The following CMPK2 variants were observed in gnomAD, a reference collection of about 807,000 sequenced individuals.
CMPK2 encodes UMP-CMP kinase 2, mitochondrial.
CMPK2 carries 32 observed loss-of-function variants against 33.4 expected under a neutral mutation model. The ratio of observed to expected loss-of-function variants is 0.96; its 90% CI spans 0.72 to 1.29. The LOEUF (loss-of-function observed/expected upper bound fraction) is 1.29, where lower values mean the gene tolerates loss of function less well. Among genes scored for constraint, CMPK2 ranks in the 50% most tolerant of loss-of-function variants. CMPK2 has a pLI of 0.00. For missense variants in CMPK2, 672 were observed against 616.0 expected (o/e 1.09, Z -0.96); for synonymous variants, 299 against 275.3 (o/e 1.09, Z -0.85).
chr2:6,865,912 G>A, upstream of CMPK2: 1 of 1,407,576 alleles, frequency 7.1e-7, no homozygotes, highest in African/African-American at 1.5e-5. Flanking sequence ...AGATGTGCGC[G>A]ATAAACGGCC....
At chr2:6,848,134 A>G (rs775548131), downstream of CMPK2, among the ~76,000 whole-genome samples, 4 of 152,238 alleles carry the variant, frequency 2.6e-5, no homozygotes, top group Non-Finnish European at 5.9e-5. Flanking sequence ...AATGATATGT[A>G]AAATAAAACA....
rs781445648 is a variant in CMPK2, at chr2:6,865,509, G to A, written c.188C>T (p.Ala63Val). Residue 63 changes from alanine to valine, a missense_variant, in exon 1 of 5, where the codon GCG (alanine) becomes GTG (valine). Physicochemically the swap from Ala to Val is moderately conservative, Grantham distance 64. Coordinates refer to ENST00000256722, the MANE Select transcript of CMPK2 (RefSeq NM_207315.4). The part of the protein sequence containing the change: ...GDADAPDPRL[A>V]ALLGPPERSY... ...GCGCTCCGGGGGCCCCAGCAGCGCC[G>A]CCAGGCGGGGGTCGGGGGCGTCTGC... 1.1e-4 allele frequency: 142 copies of A among 1,270,756 alleles called. 1 individual carries two copies. The South Asian group carries it at 3.4e-3, about 31-fold the overall frequency. 78.7% of individuals were successfully genotyped at this position (1,270,756 alleles called of 1,614,324 possible). A position where few individuals can be genotyped will look rare whatever the true frequency, so the allele number is the denominator to read the frequency against.
chr2:6,865,475 C>A lies in CMPK2; in HGVS notation c.222G>T (p.Ser74=), dbSNP rs1384947726. Residue 74 remains serine (S), a synonymous_variant, in exon 1 of 5, where the codon TCG becomes TCT. Transcript: ENST00000256722. ...CGTCCGGGGTCACGGGCACGCACAG[C>A]GAGTAGCTGCGCTCCGGGGGCCCCA... ...ALLGPPERSY[S]LCVPVTPDAG... 11 of 1,261,598 alleles carry A rather than the reference C, an allele frequency of 8.7e-6. No individual in the cohort carries two copies. Among genetic ancestry groups the A allele is most frequent in the African/African-American group, 1.6e-5 (1 of 64,022 alleles). The allele number at this position is 1,261,598 out of a possible 1,614,324, so 78.2% of individuals were successfully genotyped here.
chr2:6,866,520 G>T (rs886175782), upstream of CMPK2: 47 of 979,800 alleles, frequency 4.8e-5, no homozygotes, highest in Admixed American at 6.2e-5. Flanking sequence ...CCTCGAAATC[G>T]CCTTTCTTCC....
intron 4 of CMPK2, chr2:6,850,876 C>G: frequency 1.0e-6 from 1 of 991,966 alleles, no homozygotes; most frequent in Non-Finnish European, 1.2e-6. Flanking sequence ...AGACTCTCTT[C>G]TGCAGTCGTG....
chr2:6,852,235 C>G (rs1662545476), intron 3 of CMPK2, among the ~76,000 whole-genome samples: 1 of 152,150 alleles, frequency 6.6e-6, no homozygotes, highest in African/African-American at 2.4e-5. Flanking sequence ...TATGCCCTGC[C>G]CAGCTCCATG....
intron 3 of CMPK2, among the ~76,000 whole-genome samples, chr2:6,852,065 G>A (rs541621295): frequency 6.6e-6 from 1 of 152,260 alleles, no homozygotes; most frequent in Non-Finnish European, 1.5e-5. Flanking sequence ...CTGTGTCTTG[G>A]CAGACTAAAA....
rs114106362 is a variant in CMPK2, at chr2:6,862,849, G to A, written c.790+615C>T. Among the ~76,000 whole-genome samples, 1,225 of 152,278 alleles carry A rather than the reference G, an allele frequency of 8.0e-3. 18 individuals are homozygous for A. The highest frequency in any genetic ancestry group is 0.028 in the African/African-American group (1,177 of 41,554). ...GAGAAACTCCTACGCTGAACCACTC[G>A]GATGCTAGTTCTCCAACATCAACCC... On this transcript the variant is annotated intron_variant, in intron 2 of 4. Coordinates refer to ENST00000256722, the MANE Select transcript of CMPK2 (RefSeq NM_207315.4).
Position 6,849,761 on chromosome 2 carries a change from G to GA in CMPK2, c.*88dup. 2 of 1,576,044 alleles carry GA rather than the reference G, an allele frequency of 1.3e-6. No homozygotes were observed. Among genetic ancestry groups the GA allele is most frequent in the South Asian group, 2.4e-5 (2 of 84,076 alleles). On this transcript the variant is annotated 3_prime_UTR_variant, in exon 5 of 5. Coordinates refer to ENST00000256722, the MANE Select transcript of CMPK2 (RefSeq NM_207315.4). Reference sequence around the variant, plus strand: ...TGCCACACAACATGCTTGTAGAACAGAAATTTGGGAACACTGCATAACAAA... The same window carrying GA: ...TGCCACACAACATGCTTGTAGAACAGAAAATTTGGGAACACTGCATAACAAA...
chr2:6,861,549 C>G (rs779496764), intron 2 of CMPK2, among the ~76,000 whole-genome samples, 164 bp from the exon 3 acceptor site: 4 of 152,136 alleles, frequency 2.6e-5, no homozygotes, highest in Non-Finnish European at 5.9e-5. Context: ...AGGATTTCTC[C>G]GTGTGGTATT....
chr2:6,856,477 A>G (rs988916088), intron 3 of CMPK2, among the ~76,000 whole-genome samples: 1 of 152,220 alleles, frequency 6.6e-6, no homozygotes, highest in Non-Finnish European at 1.5e-5. Context: ...GACTGTGTTC[A>G]CTTCTTGAAA....
chr2:6,851,326 G>A lies in CMPK2; in HGVS notation c.1226+124C>T, dbSNP rs1251829953. ...AAGGGGCTGAAGTAACTTAGAGGATGTTGTCTCTTGTGTTTGAAAACTGGA... is the reference window on the plus strand; with the variant it reads ...AAGGGGCTGAAGTAACTTAGAGGATATTGTCTCTTGTGTTTGAAAACTGGA... On this transcript the variant is annotated intron_variant, in intron 4 of 4. Transcript: ENST00000256722. 5.3e-6 allele frequency: 8 copies of A among 1,507,646 alleles called. No individual in the cohort carries two copies. The African/African-American group carries it at 8.2e-5, about 16-fold the overall frequency. 93.4% of individuals were successfully genotyped at this position (1,507,646 alleles called of 1,614,324 possible). A position where few individuals can be genotyped will look rare whatever the true frequency, so the allele number is the denominator to read the frequency against.
In CMPK2 at chr2:6,863,459, C is replaced by T. The variant is rs1662941921; in HGVS notation, c.790+5G>A. ...GCCTATAACTAAAAGGTAATATTAT[C>T]TTACCCGTGGCATCCAGTCCTTCGA... is the stretch of plus-strand genomic sequence containing the variant. On this transcript the variant is annotated splice_donor_5th_base_variant and intron_variant, in intron 2 of 4. Coordinates refer to ENST00000256722, the MANE Select transcript of CMPK2 (RefSeq NM_207315.4). The T allele has an allele frequency of 1.2e-6, 2 of 1,606,446 alleles. No individual in the cohort carries two copies. Among genetic ancestry groups the T allele is most frequent in the South Asian group, 2.2e-5 (2 of 90,866 alleles).
At chr2:6,845,966 T>G (rs78343123), downstream of CMPK2, among the ~76,000 whole-genome samples, 6,073 of 152,168 alleles carry the variant, frequency 0.04, 173 homozygotes, top group Non-Finnish European at 0.057. Context: ...GTGGAGATTT[T>G]TTTTGTTGTT....
At chr2:6,842,317 T>TTAA (rs1197237099) in intron 3 of CMPK2, among the ~76,000 whole-genome samples, 1 of 152,200 alleles carries the variant, frequency 6.6e-6, no homozygotes, top group Non-Finnish European at 1.5e-5. Flanking sequence ...GCAGCAAAAC[T>TTAA]TAATATTTGA....
chr2:6,840,791 C>A, intron 3 of CMPK2: 1 of 651,828 alleles, frequency 1.5e-6, no homozygotes, highest in Non-Finnish European at 2.8e-6. Flanking sequence ...TTAATTCCTG[C>A]TAGAACTGGG....
Position 6,849,379 on chromosome 2 carries a change from C to T in CMPK2, c.*471G>A, listed in dbSNP as rs1195717569. The T allele has an allele frequency of 1.1e-5, 11 of 986,712 alleles. No homozygotes were observed. The highest frequency in any genetic ancestry group is 1.3e-5 in the Non-Finnish European group (11 of 831,040). The allele number at this position is 986,712 out of a possible 1,614,324, so 61.1% of individuals were successfully genotyped here. ...GAATTTGGGACTGAGGGAGATGCAG[C>T]GAGCCCATCATGACGAGTGCAACCA... On this transcript the variant is annotated 3_prime_UTR_variant, in exon 5 of 5. Coordinates refer to ENST00000256722, the MANE Select transcript of CMPK2 (RefSeq NM_207315.4).
intron 2 of CMPK2, 32 bp from the exon 3 acceptor site, chr2:6,861,417 A>C: frequency 6.5e-7 from 1 of 1,549,634 alleles, no homozygotes; most frequent in Non-Finnish European, 8.9e-7. Context: ...TATACATCTT[A>C]ACCACAGCCC....
downstream of CMPK2, among the ~76,000 whole-genome samples, chr2:6,847,371 C>T (rs949898262): frequency 6.6e-6 from 1 of 152,224 alleles, no homozygotes; most frequent in Admixed American, 6.5e-5. Context: ...TGGGAGCCTG[C>T]TGACTATACA....
Sources: allele counts gnomAD v4.1 joint callset (sites outside exome capture counted in the v4.1 genomes callset), GRCh38; gene constraint gnomAD v4.1.1; transcripts MANE v1.5; gene names NCBI Gene and HGNC (gene_info 2026-07-23, HGNC 2026-07-21).